Variants in ST13 observed in about 807,000 individuals in gnomAD.
ST13 encodes the protein hsc70-interacting protein.
ST13 carries 23 observed loss-of-function variants against 56.7 expected under a neutral mutation model. The ratio of observed to expected loss-of-function variants is 0.41; its 90% CI spans 0.29 to 0.57. The LOEUF (loss-of-function observed/expected upper bound fraction) is 0.57. Among genes scored for constraint, ST13 ranks in the 20% least tolerant of loss-of-function variants. ST13 has a pLI of 0.36. For synonymous variants in ST13, 132 were observed against 142.4 expected (o/e 0.93, Z 0.52); for missense variants, 369 against 459.9 (o/e 0.80, Z 1.81).
rs1003968005 is a variant in ST13 at position 40,835,834 on chromosome 22, G to A, written c.436C>T (p.Arg146Cys). Residue 146 changes from arginine to cysteine, a missense_variant, in exon 6 of 12, where the codon CGC becomes TGC. Arg to Cys is a radical substitution (Grantham distance 180). Transcript: ENST00000216218. Reference sequence around the variant, plus strand: ...CTCTTGGCATACAAAATGGCCAAGCGAGGATTCAGCTTGATGGCATCTGTG... The same window carrying A: ...CTCTTGGCATACAAAATGGCCAAGCAAGGATTCAGCTTGATGGCATCTGTG... ...LFTDAIKLNPRLAILYAKRAS... is the reference protein window; with the variant it reads ...LFTDAIKLNPCLAILYAKRAS... 5.6e-6 allele frequency: 9 copies of A among 1,613,650 alleles called. No homozygotes were observed. The highest frequency in any genetic ancestry group is 1.1e-5 in the South Asian group (1 of 91,056).
Position 40,832,262 on chromosome 22 carries a change from ATTAT to A in ST13, c.681+303_681+306del, listed in dbSNP as rs535201410. Reference sequence around the variant, plus strand: ...TCAGATTCAATCCTGGGTAATGCTAATTATAGATTTTCTATTTGTTTCCTTGTTG... The same window carrying A: ...TCAGATTCAATCCTGGGTAATGCTAAAGATTTTCTATTTGTTTCCTTGTTG... On this transcript the variant is annotated intron_variant, in intron 8 of 11. Transcript: ENST00000216218. The A allele has an allele frequency of 3.2e-3, 1,543 of 481,254 alleles. 6 individuals are homozygous for A. Among genetic ancestry groups the A allele is most frequent in the Non-Finnish European group, 4.7e-3 (1,119 of 238,398 alleles). 29.8% of individuals were successfully genotyped at this position (481,254 alleles called of 1,614,324 possible). A position where few individuals can be genotyped will look rare whatever the true frequency, so the allele number is the denominator to read the frequency against.
At chr22:40,845,724 T>C (rs530590598) in intron 3 of ST13, among the ~76,000 whole-genome samples, 86 of 148,726 alleles carry the variant, frequency 5.8e-4, no homozygotes, top group African/African-American at 2.2e-3. Context: ...GAGTTTTATA[T>C]ATATATACAC....
chr22:40,848,207 A>T (rs993841199), intron 3 of ST13, 87 bp downstream of exon 3: 20 of 894,272 alleles, frequency 2.2e-5, no homozygotes, highest in Middle Eastern at 2.2e-4. Context: ...TTTCTATTAC[A>T]CAGTGCTGAT....
At chr22:40,848,447 G>C in intron 2 of ST13, 78 bp from the exon 3 acceptor site, 1 of 1,034,736 alleles carries the variant, frequency 9.7e-7, no homozygotes, top group Non-Finnish European at 1.5e-6. Flanking sequence ...ACAAATCTAT[G>C]TATAAACTGT....
intron 4 of ST13, among the ~76,000 whole-genome samples, chr22:40,841,202 A>AG (rs2057802766): frequency 6.9e-6 from 1 of 145,496 alleles, no homozygotes; most frequent in Non-Finnish European, 1.5e-5. Flanking sequence ...TCCAAAAAAA[A>AG]GAAAAAAAAA....
At chr22:40,829,711 A>T in intron 9 of ST13, 37 bp from the exon 10 acceptor site, 1 of 1,254,674 alleles carries the variant, frequency 8.0e-7, no homozygotes, top group Non-Finnish European at 1.1e-6. Flanking sequence ...ATAATAGAAG[A>T]AGAAATAAGT....
intron 5 of ST13, among the ~76,000 whole-genome samples, chr22:40,839,610 C>G (rs181398664): frequency 2.0e-5 from 3 of 151,276 alleles, no homozygotes; most frequent in Non-Finnish European, 4.4e-5. Flanking sequence ...ACTAAAAATA[C>G]AAAAATTAGC....
chr22:40,841,762 T>C (rs1601467817), intron 4 of ST13, among the ~76,000 whole-genome samples: 1 of 27,238 alleles, frequency 3.7e-5, no homozygotes, highest in African/African-American at 3.1e-4. Flanking sequence ...AATGTTTTGC[T>C]TTTTTTTTTT....
intron 1 of ST13, 90 bp from the exon 2 acceptor site, chr22:40,850,970 AT>A: frequency 1.2e-6 from 1 of 853,994 alleles, no homozygotes; most frequent in Non-Finnish European, 1.8e-6. Context: ...AACGTTAGAC[AT>A]TTAGATGACT....
chr22:40,843,289 G>A (rs1471393689), intron 4 of ST13, among the ~76,000 whole-genome samples: 2 of 152,132 alleles, frequency 1.3e-5, no homozygotes, highest in South Asian at 2.1e-4. Context: ...TCTAACAAAG[G>A]GGAAAAAAAC....
At chr22:40,856,356 G>C (rs927836238) in intron 1 of ST13, 75 bp downstream of exon 1, 7 of 1,345,202 alleles carry the variant, frequency 5.2e-6, no homozygotes, top group Admixed American at 3.6e-5. Context: ...CCGCCGGACC[G>C]AGCCAGGTCC....
chr22:40,829,745 C>A, intron 9 of ST13, 71 bp from the exon 10 acceptor site: 1 of 786,796 alleles, frequency 1.3e-6, no homozygotes. Flanking sequence ...CCTGTCCATG[C>A]AAGACCATGA....
At chr22:40,853,122 C>T (rs1005684697) in intron 1 of ST13, among the ~76,000 whole-genome samples, 1 of 152,106 alleles carries the variant, frequency 6.6e-6, no homozygotes, top group Admixed American at 6.5e-5. Context: ...AGAATGGAGA[C>T]TACGTGACAT....
intron 2 of ST13, among the ~76,000 whole-genome samples, chr22:40,850,454 TG>T (rs1238641213): frequency 1.3e-5 from 2 of 152,170 alleles, no homozygotes; most frequent in Non-Finnish European, 2.9e-5. Flanking sequence ...ATTACTGACC[TG>T]GGATACTTCA....
intron 3 of ST13, among the ~76,000 whole-genome samples, chr22:40,845,713 C>T (rs1173218483): frequency 2.7e-5 from 4 of 149,064 alleles, no homozygotes; most frequent in East Asian, 3.9e-4. Flanking sequence ...AAGTGGAAAA[C>T]GAGTTTTATA....
At chr22:40,828,530 G>A (rs1173880226) in intron 10 of ST13, among the ~76,000 whole-genome samples, 1 of 151,696 alleles carries the variant, frequency 6.6e-6, no homozygotes, top group African/African-American at 2.4e-5. Flanking sequence ...GGAGAATGGC[G>A]TGAACCCGGC....
In ST13 at chr22:40,826,528, C is replaced by T; in HGVS notation, c.*10G>A. 2 of 1,597,040 alleles carry T rather than the reference C, an allele frequency of 1.3e-6. No individual in the cohort carries two copies. Among genetic ancestry groups the T allele is most frequent in the Non-Finnish European group, 1.7e-6 (2 of 1,179,430 alleles). On this transcript the variant is annotated 3_prime_UTR_variant, in exon 12 of 12. Coordinates refer to ENST00000216218, the MANE Select transcript of ST13 (RefSeq NM_003932.5). ...TTCCTTCAGCAAGGGCTTTATTTAT[C>T]AGAAGGACATTACGCTTGACCTCCA... is the stretch of plus-strand genomic sequence containing the variant.
At chr22:40,840,524 T>C in intron 5 of ST13, 102 bp downstream of exon 5, 1 of 994,686 alleles carries the variant, frequency 1.0e-6, no homozygotes, top group Non-Finnish European at 1.6e-6. Context: ...TCTTCTCCAG[T>C]ATAGGACAGG....
chr22:40,845,606 T>C (rs957516907), intron 3 of ST13, among the ~76,000 whole-genome samples: 8 of 152,186 alleles, frequency 5.3e-5, no homozygotes, highest in African/African-American at 1.4e-4. Context: ...CCAAAGCTAG[T>C]ACTTACAACC....
Sources: gnomAD v4.1 joint callset for allele counts (sites outside exome capture counted in the v4.1 genomes callset) on GRCh38, gnomAD v4.1.1 for gene constraint, MANE v1.5 for transcripts, NCBI Gene and HGNC (gene_info 2026-07-23, HGNC 2026-07-21) for gene names.